Variants in CDYL observed in about 807,000 individuals in gnomAD.
CDYL encodes chromodomain Y like.
A neutral mutation model predicts 47.3 loss-of-function variants in CDYL; 8 were observed. That is an observed-to-expected ratio of 0.17 (90% CI 0.10 to 0.31). The LOEUF (loss-of-function observed/expected upper bound fraction) is 0.31, where lower values mean the gene tolerates loss of function less well. Ranked by LOEUF, CDYL falls within the 10% of genes least tolerant of loss-of-function variation. The pLI is 1.00. For synonymous variants in CDYL, 266 were observed against 265.0 expected, an observed-to-expected ratio of 1.00 and a Z score of -0.04; for missense variants, 471 against 701.4, an observed-to-expected ratio of 0.67 and a Z score of 3.71.
At chr6:4,929,110 C>A (rs1011980821) in intron 2 of CDYL, among the ~76,000 whole-genome samples, 2 of 152,130 alleles carry the variant, frequency 1.3e-5, no homozygotes, top group Non-Finnish European at 2.9e-5. Flanking sequence ...TTTTAACATT[C>A]CTTACAGTGC....
intron 3 of CDYL, among the ~76,000 whole-genome samples, chr6:4,736,894 T>C (rs1416011790): frequency 6.6e-6 from 1 of 152,200 alleles, no homozygotes; most frequent in Non-Finnish European, 1.5e-5. Context: ...TTTATCGATA[T>C]AGTGGTAAAC....
intron 1 of CDYL, among the ~76,000 whole-genome samples, chr6:4,708,918 A>C (rs972849502): frequency 8.5e-5 from 13 of 152,106 alleles, no homozygotes; most frequent in Non-Finnish European, 1.8e-4. Context: ...AGACAGGAAG[A>C]ATCGCTTGAA....
At chr6:4,861,236 C>G (rs1761160684) in intron 1 of CDYL, among the ~76,000 whole-genome samples, 1 of 152,214 alleles carries the variant, frequency 6.6e-6, no homozygotes, top group Non-Finnish European at 1.5e-5. Flanking sequence ...CCTAGGTTAC[C>G]ATTCTCTGGG....
At chr6:4,803,848 A>C (rs575146773) in intron 1 of CDYL, among the ~76,000 whole-genome samples, 1 of 149,300 alleles carries the variant, frequency 6.7e-6, no homozygotes, top group African/African-American at 2.5e-5. Flanking sequence ...ATCCAACTCT[A>C]TGTGTGTATG....
intron 1 of CDYL, among the ~76,000 whole-genome samples, chr6:4,824,491 C>A (rs1188473933): frequency 6.6e-6 from 1 of 152,158 alleles, no homozygotes; most frequent in Non-Finnish European, 1.5e-5. Context: ...ATGAGCATCA[C>A]TTGATATGCT....
chr6:4,757,862 C>T (rs1365347358), intron 3 of CDYL, among the ~76,000 whole-genome samples: 2 of 150,988 alleles, frequency 1.3e-5, no homozygotes, highest in African/African-American at 4.9e-5. Flanking sequence ...CATAGTGAAA[C>T]ATCATGTCAA....
chr6:4,881,844 G>A (rs1374293283), intron 1 of CDYL, among the ~76,000 whole-genome samples: 2 of 152,140 alleles, frequency 1.3e-5, no homozygotes, highest in African/African-American at 4.8e-5. Flanking sequence ...AGAAATTGTT[G>A]GGAGACAATT....
chr6:4,814,661 G>T (rs114615654), intron 1 of CDYL, among the ~76,000 whole-genome samples: 2,336 of 152,172 alleles, frequency 0.015, 68 homozygotes, highest in African/African-American at 0.052. Flanking sequence ...TGGTAGCTAG[G>T]ATTACAGCCG....
At position 4,896,760 on chromosome 6, in the gene CDYL, T is replaced by C. The variant is rs1012731581; in HGVS notation, c.691+4381T>C. ...AGCTACGTAAAGAAACTGATTTGTT[T>C]TTCTAAAACTAATTGAAGTAGATAC... On this transcript the variant is annotated intron_variant, in intron 2 of 6. Coordinates refer to ENST00000397588, the MANE Select transcript of CDYL (RefSeq NM_004824.4). Among the ~76,000 whole-genome samples, 4 of 152,306 alleles carry C rather than the reference T, an allele frequency of 2.6e-5. No individual in the cohort carries two copies. In the South Asian group the frequency reaches 6.2e-4, roughly 24 times the overall value.
Position 4,887,385 on chromosome 6 carries a change from C to A in CDYL, c.25-4328C>A, listed in dbSNP as rs371895441. Among the ~76,000 whole-genome samples the A allele has an allele frequency of 3.9e-5, 6 of 152,196 alleles. 1 individual carries two copies. The highest frequency in any genetic ancestry group is 1.4e-4 in the African/African-American group (6 of 41,542). Reference sequence around the variant, plus strand: ...TTATTTCAATAATGCTTTATAGTTTCCACTTTATAAGTTTTACACCTCTTT... The same window carrying A: ...TTATTTCAATAATGCTTTATAGTTTACACTTTATAAGTTTTACACCTCTTT... On this transcript the variant is annotated intron_variant, in intron 1 of 6. Coordinates refer to ENST00000397588, the MANE Select transcript of CDYL (RefSeq NM_004824.4).
chr6:4,798,997 T>C (rs1345429762), intron 1 of CDYL, among the ~76,000 whole-genome samples: 1 of 152,224 alleles, frequency 6.6e-6, no homozygotes, highest in Non-Finnish European at 1.5e-5. Context: ...TAATTTGCTT[T>C]TTCTGTTTTG....
chr6:4,839,158 A>G (rs529464239), intron 1 of CDYL, among the ~76,000 whole-genome samples: 6 of 152,102 alleles, frequency 3.9e-5, no homozygotes, highest in African/African-American at 1.4e-4. Flanking sequence ...TTTGATTTGT[A>G]TTTCCCTGAT....
At chr6:4,811,956 C>A (rs1181763837) in intron 1 of CDYL, among the ~76,000 whole-genome samples, 2 of 152,180 alleles carry the variant, frequency 1.3e-5, no homozygotes, top group Non-Finnish European at 2.9e-5. Context: ...CACATCATCT[C>A]CTGTGCCTTT....
At chr6:4,820,842 C>T (rs1255414378) in intron 1 of CDYL, among the ~76,000 whole-genome samples, 1 of 152,206 alleles carries the variant, frequency 6.6e-6, no homozygotes, top group African/African-American at 2.4e-5. Flanking sequence ...GGCAGAGCGG[C>T]AGCCTGCAGC....
At chr6:4,777,029 G>A (rs975279543) in intron 1 of CDYL, among the ~76,000 whole-genome samples, 9 of 149,658 alleles carry the variant, frequency 6.0e-5, no homozygotes, top group East Asian at 2.0e-4. Flanking sequence ...GGGGTGGGGG[G>A]GGGGGTCCCA....
At chr6:4,751,272 G>T (rs537974879) in intron 3 of CDYL, among the ~76,000 whole-genome samples, 1 of 152,284 alleles carries the variant, frequency 6.6e-6, no homozygotes, top group South Asian at 2.1e-4. Flanking sequence ...GGTCCCTGGA[G>T]TCGCAGCATC....
chr6:4,926,268 A>G (rs907055969), intron 2 of CDYL, among the ~76,000 whole-genome samples: 1 of 152,232 alleles, frequency 6.6e-6, no homozygotes, highest in African/African-American at 2.4e-5. Flanking sequence ...TGTAATCTGA[A>G]TAAAATTATA....
At chr6:4,709,232 AT>A (rs1757104712) in intron 1 of CDYL, among the ~76,000 whole-genome samples, 1 of 150,956 alleles carries the variant, frequency 6.6e-6, no homozygotes. Flanking sequence ...GTCTCACTTT[AT>A]TGCCCAGGCT....
intron 1 of CDYL, among the ~76,000 whole-genome samples, chr6:4,876,274 A>C (rs1761618704): frequency 6.6e-6 from 1 of 152,184 alleles, no homozygotes; most frequent in African/African-American, 2.4e-5. Context: ...TCTAGTTTGG[A>C]GCCATTAGGA....
Sources: allele counts gnomAD v4.1 joint callset (sites outside exome capture counted in the v4.1 genomes callset), GRCh38; gene constraint gnomAD v4.1.1; transcripts MANE v1.5; gene names NCBI Gene and HGNC (gene_info 2026-07-23, HGNC 2026-07-21).